The following BICD2 variants were observed in gnomAD, a reference collection of about 807,000 sequenced individuals.
BICD2 encodes the protein BICD cargo adaptor 2.
In BICD2, 25 loss-of-function variants were observed where a neutral mutation model predicts 72.9. The observed-to-expected ratio is 0.34, with a 90% CI of 0.25 to 0.48. The LOEUF is 0.48. Ranked by LOEUF, BICD2 falls within the 20% of genes least tolerant of loss-of-function variation. BICD2 has a pLI of 0.99. For synonymous variants in BICD2, 501 were observed against 516.1 expected (o/e 0.97, Z 0.40); for missense variants, 894 against 1,175.2 (o/e 0.76, Z 3.50).
chr9:92,743,375 TTTA>T (rs1325914106), intron 1 of BICD2, among the ~76,000 whole-genome samples: 4 of 150,734 alleles, frequency 2.7e-5, no homozygotes, highest in Non-Finnish European at 5.9e-5. Context: ...TTTTTTTTTT[TTTA>T]AGAGATGGGG....
chr9:92,712,058 A>G lies in BICD2; in HGVS notation c.*3096T>C, dbSNP rs1450262633. 6.6e-6 allele frequency: 1 copy of G among 152,644 alleles called. No homozygotes were observed. The highest frequency in any genetic ancestry group is 1.5e-5 in the Non-Finnish European group (1 of 68,034). 9.5% of individuals were successfully genotyped at this position (152,644 alleles called of 1,614,324 possible). A position where few individuals can be genotyped will look rare whatever the true frequency, so the allele number is the denominator to read the frequency against. ...TCTCGCTTTCACATTTGCAAAGAAT[A>G]CTATGGCTAACCCTCATCCCCTACT... On this transcript the variant is annotated 3_prime_UTR_variant, in exon 7 of 7. Transcript: ENST00000356884.
chr9:92,730,755 T>C (rs117428406), intron 1 of BICD2, among the ~76,000 whole-genome samples: 5,511 of 152,282 alleles, frequency 0.036, 138 homozygotes, highest in Middle Eastern at 0.075. Context: ...GCAATGGGAC[T>C]GCACGGGGGG....
intron 2 of BICD2, among the ~76,000 whole-genome samples, chr9:92,724,945 C>T (rs185303811): frequency 5.9e-5 from 9 of 152,314 alleles, no homozygotes; most frequent in Admixed American, 2.0e-4. Context: ...GCCACCCAGC[C>T]GGCTCCTCAG....
chr9:92,760,834 T>C (rs1445257670), intron 1 of BICD2, among the ~76,000 whole-genome samples: 1 of 152,208 alleles, frequency 6.6e-6, no homozygotes, highest in Non-Finnish European at 1.5e-5. Context: ...AACAGCCTTC[T>C]GTTCAGAAAT....
At chr9:92,722,599 G>A in intron 3 of BICD2, 57 bp downstream of exon 3, 1 of 1,607,670 alleles carries the variant, frequency 6.2e-7, no homozygotes, top group Non-Finnish European at 8.5e-7. Context: ...TGAGCAAGAG[G>A]TCCTCAAGGC....
At chr9:92,749,592 G>A (rs942268659) in intron 1 of BICD2, among the ~76,000 whole-genome samples, 1 of 152,240 alleles carries the variant, frequency 6.6e-6, no homozygotes, top group Non-Finnish European at 1.5e-5. Context: ...ATGCTAAGCT[G>A]CTTTTAGAAA....
intron 1 of BICD2, among the ~76,000 whole-genome samples, chr9:92,754,344 C>T (rs1564072838): frequency 1.3e-5 from 2 of 152,050 alleles, no homozygotes; most frequent in Admixed American, 6.6e-5. Context: ...TCAGGTAGGC[C>T]GGGTGCAGGG....
intron 1 of BICD2, among the ~76,000 whole-genome samples, chr9:92,755,146 T>C (rs1192594094): frequency 6.6e-6 from 1 of 152,230 alleles, no homozygotes; most frequent in Non-Finnish European, 1.5e-5. Flanking sequence ...GGGGCATACC[T>C]GTCTCTTATG....
Position 92,713,835 on chromosome 9 carries a change from G to A in BICD2, c.*1319C>T, listed in dbSNP as rs535167098. 1.5e-4 allele frequency: 165 copies of A among 1,085,898 alleles called. 1 individual carries two copies. The South Asian group carries it at 4.1e-3, about 27-fold the overall frequency. 67.3% of individuals were successfully genotyped at this position (1,085,898 alleles called of 1,614,324 possible). A position where few individuals can be genotyped will look rare whatever the true frequency, so the allele number is the denominator to read the frequency against. Reference sequence around the variant, plus strand: ...CATACTCGGCACCAAAGGGAAGAACGCGCAGGGCAGAGAGCTGTGGGAGGG... The same window carrying A: ...CATACTCGGCACCAAAGGGAAGAACACGCAGGGCAGAGAGCTGTGGGAGGG... On this transcript the variant is annotated 3_prime_UTR_variant, in exon 7 of 7. Transcript: ENST00000356884.
At chr9:92,746,970 T>C (rs1431979780) in intron 1 of BICD2, among the ~76,000 whole-genome samples, 1 of 152,178 alleles carries the variant, frequency 6.6e-6, no homozygotes, top group Non-Finnish European at 1.5e-5. Context: ...GCTCCGGAAA[T>C]GTCTGACTGT....
intron 1 of BICD2, among the ~76,000 whole-genome samples, chr9:92,757,312 C>CAAAAAAAAAAAAAAAAAAAAAAAAAAAAA (rs1169381290): frequency 7.6e-5 from 4 of 52,748 alleles, no homozygotes; most frequent in Non-Finnish European, 1.1e-4. Context: ...AGACTGTCTC[C>CAAAAAAAAAAAAAAAAAAAAAAAAAAAAA]AAAAAAAAAA....
At chr9:92,743,621 T>C (rs1853943664) in intron 1 of BICD2, among the ~76,000 whole-genome samples, 1 of 152,192 alleles carries the variant, frequency 6.6e-6, no homozygotes, top group East Asian at 1.9e-4. Flanking sequence ...TCCCATTTTA[T>C]GGAGGAAGAA....
chr9:92,753,741 G>A (rs1291797477), intron 1 of BICD2, among the ~76,000 whole-genome samples: 4 of 151,424 alleles, frequency 2.6e-5, no homozygotes, highest in African/African-American at 9.7e-5. Context: ...GGGTTTCACC[G>A]TGTTAGCCAG....
intron 1 of BICD2, among the ~76,000 whole-genome samples, chr9:92,753,705 A>AT (rs1291310731): frequency 6.6e-6 from 1 of 151,420 alleles, no homozygotes; most frequent in Non-Finnish European, 1.5e-5. Context: ...AGGCCGGCTA[A>AT]TTTTTTTGTA....
Position 92,713,580 on chromosome 9 carries a change from GA to G in BICD2, c.*1573del. 1 of 1,540,532 alleles carries G rather than the reference GA, an allele frequency of 6.5e-7. No individual in the cohort carries two copies. The highest frequency in any genetic ancestry group is 1.2e-5 in the South Asian group (1 of 83,444). On this transcript the variant is annotated 3_prime_UTR_variant, in exon 7 of 7. Transcript: ENST00000356884. ...GAGCACGTTAGTTGGCAGAAGAGAA[GA>G]CCTGCATGTGTTAGCAGGGGTCCCA...
chr9:92,717,345 G>A (rs112880644), intron 6 of BICD2, among the ~76,000 whole-genome samples: 6 of 152,338 alleles, frequency 3.9e-5, no homozygotes, highest in South Asian at 2.1e-4. Flanking sequence ...GGCCTGCTGC[G>A]GTTTCATTCA....
chr9:92,730,293 G>A (rs564626920), intron 1 of BICD2, among the ~76,000 whole-genome samples: 6 of 152,300 alleles, frequency 3.9e-5, no homozygotes, highest in African/African-American at 1.4e-4. Flanking sequence ...ACTGAAAGCG[G>A]ATGGCTTTGT....
chr9:92,754,776 C>A (rs544624837), intron 1 of BICD2, among the ~76,000 whole-genome samples: 2 of 152,196 alleles, frequency 1.3e-5, no homozygotes, highest in Non-Finnish European at 2.9e-5. Flanking sequence ...CCAATCAATA[C>A]CCTTGTGATT....
rs569086325 is a variant in BICD2 at position 92,714,934 on chromosome 9, A to G, written c.*220T>C. The G allele has an allele frequency of 1.1e-5, 15 of 1,365,196 alleles. No individual in the cohort carries two copies. The African/African-American group carries it at 1.9e-4, about 17-fold the overall frequency. 84.6% of individuals were successfully genotyped at this position (1,365,196 alleles called of 1,614,324 possible). A position where few individuals can be genotyped will look rare whatever the true frequency, so the allele number is the denominator to read the frequency against. ...ACCTCTGACCCCCACCTAAGAGAGC[A>G]GCTGAGGACTGGGTGCTCCTGAGGG... On this transcript the variant is annotated 3_prime_UTR_variant, in exon 7 of 7. Transcript: ENST00000356884.
Sources: allele counts gnomAD v4.1 joint callset (sites outside exome capture counted in the v4.1 genomes callset), GRCh38; gene constraint gnomAD v4.1.1; transcripts MANE v1.5; gene names NCBI Gene and HGNC (gene_info 2026-07-23, HGNC 2026-07-21).